The following INIP variants were observed in gnomAD, a reference collection of about 807,000 sequenced individuals.
The protein encoded by INIP is SOSS complex subunit C.
Under a neutral mutation model 14.0 loss-of-function variants are expected in INIP, and 9 were observed. The observed-to-expected ratio is 0.64, with a 90% CI of 0.39 to 1.12. The LOEUF (loss-of-function observed/expected upper bound fraction) is 1.12. Ranked by LOEUF, INIP falls within the 50% of genes most tolerant of loss-of-function variation. The pLI, the probability that INIP is intolerant of heterozygous loss-of-function variation, is 0.01. For synonymous variants in INIP, 37 were observed against 41.5 expected (o/e 0.89, Z 0.41); for missense variants, 78 against 122.7 (o/e 0.64, Z 1.72).
intron 2 of INIP, among the ~76,000 whole-genome samples, chr9:112,711,585 C>T (rs1243659487): frequency 6.6e-6 from 1 of 152,190 alleles, no homozygotes; most frequent in African/African-American, 2.4e-5. Flanking sequence ...AAATAGTCTT[C>T]TCTTAGTTTT....
chr9:112,692,194 C>T (rs1315935786), intron 3 of INIP, among the ~76,000 whole-genome samples: 1 of 152,008 alleles, frequency 6.6e-6, no homozygotes, highest in African/African-American at 2.4e-5. Context: ...GTTGAGGCAT[C>T]AATAAGTGAG....
In INIP at chr9:112,713,946, T is replaced by A. The variant is rs1278899344; in HGVS notation, c.25+2515A>T. ...TTGCAGTGAGCTGAGATCACGCTAT[T>A]GCACTCCAGCTTGGGCAACAAGAGC... On this transcript the variant is annotated intron_variant, in intron 2 of 4. Coordinates refer to ENST00000374242, the MANE Select transcript of INIP (RefSeq NM_021218.3). Among the ~76,000 whole-genome samples the A allele has an allele frequency of 9.3e-5, 14 of 150,326 alleles. No homozygotes were observed. In the Admixed American group the frequency reaches 9.3e-4, roughly 10 times the overall value.
At chr9:112,697,142 G>A (rs371201563) in intron 2 of INIP, among the ~76,000 whole-genome samples, 1 of 152,134 alleles carries the variant, frequency 6.6e-6, no homozygotes, top group African/African-American at 2.4e-5. Flanking sequence ...TCATCACATT[G>A]AACAAAAGAT....
chr9:112,697,569 G>A (rs1003041979), intron 2 of INIP, among the ~76,000 whole-genome samples: 1 of 152,098 alleles, frequency 6.6e-6, no homozygotes, highest in South Asian at 2.1e-4. Flanking sequence ...GGTCAACAGA[G>A]CAAGACCCTG....
At chr9:112,693,100 T>C (rs1837952544) in intron 3 of INIP, among the ~76,000 whole-genome samples, 1 of 152,116 alleles carries the variant, frequency 6.6e-6, no homozygotes, top group Non-Finnish European at 1.5e-5. Context: ...TTAGAATGTT[T>C]ACAATTTAAT....
In INIP at chr9:112,694,178, T is replaced by A. The variant is rs1837998284; in HGVS notation, c.81A>T (p.Arg27Ser). 2 of 1,612,100 alleles carry A rather than the reference T, an allele frequency of 1.2e-6. No homozygotes were observed. Residue 27 changes from arginine (R) to serine (S), a missense_variant, in exon 3 of 5, where the codon AGA (arginine) becomes AGT (serine). Coordinates refer to ENST00000374242, the MANE Select transcript of INIP (RefSeq NM_021218.3). The part of the protein sequence containing the change: ...AILAELDKEK[R>S]KLLMQNQSST... ...AAGACTGGTTCTGCATAAGTAGTTT[T>A]CTTTTCTCTTTGTCCAGTTCTGCCA...
intron 2 of INIP, among the ~76,000 whole-genome samples, chr9:112,701,169 G>A (rs938848686): frequency 2.0e-5 from 3 of 152,092 alleles, no homozygotes; most frequent in African/African-American, 7.2e-5. Context: ...TCAGTCAGGT[G>A]TGGTGGCAGG....
Position 112,694,160 on chromosome 9 carries a change from G to A in INIP, c.99C>T (p.Asn33=), listed in dbSNP as rs1195497024. The part of the protein sequence containing the change: ...DKEKRKLLMQ[N]QSSTNHPGAS... ...CTCCAGGATGATTTGTTGAAGACTGGTTCTGCATAAGTAGTTTTCTTTTCT... is the reference window on the plus strand; with the variant it reads ...CTCCAGGATGATTTGTTGAAGACTGATTCTGCATAAGTAGTTTTCTTTTCT... The change falls in exon 3 of 5, where the codon AAC becomes AAT. Residue 33 remains asparagine (N), a synonymous_variant. Coordinates refer to ENST00000374242, the MANE Select transcript of INIP (RefSeq NM_021218.3). 5 of 1,609,882 alleles carry A rather than the reference G, an allele frequency of 3.1e-6. No homozygotes were observed. The highest frequency in any genetic ancestry group is 4.2e-6 in the Non-Finnish European group (5 of 1,177,874).
chr9:112,694,997 A>G (rs1184324137), intron 2 of INIP, among the ~76,000 whole-genome samples: 2 of 152,216 alleles, frequency 1.3e-5, no homozygotes, highest in Non-Finnish European at 2.9e-5. Flanking sequence ...ACATGTAAAC[A>G]TTGAGAAACT....
intron 2 of INIP, among the ~76,000 whole-genome samples, chr9:112,715,291 G>T (rs903878678): frequency 4.1e-4 from 62 of 152,252 alleles, no homozygotes; most frequent in African/African-American, 1.4e-3. Flanking sequence ...AGTTGTGAGT[G>T]AATGTGAAAG....
intron 2 of INIP, among the ~76,000 whole-genome samples, chr9:112,710,368 G>T (rs2131312559): frequency 6.6e-6 from 1 of 152,262 alleles, no homozygotes; most frequent in East Asian, 1.9e-4. Context: ...TCCTTACTCA[G>T]TATTTCACCA....
intron 2 of INIP, among the ~76,000 whole-genome samples, chr9:112,701,030 A>C (rs988978717): frequency 6.6e-6 from 1 of 152,234 alleles, no homozygotes; most frequent in East Asian, 1.9e-4. Context: ...ATATGGTTAT[A>C]AAAGCAGCCC....
At chr9:112,700,742 A>G (rs1411204088) in intron 2 of INIP, among the ~76,000 whole-genome samples, 1 of 151,956 alleles carries the variant, frequency 6.6e-6, no homozygotes. Context: ...GAAGAGCCTC[A>G]CTTTCAAAAA....
intron 2 of INIP, among the ~76,000 whole-genome samples, chr9:112,709,122 T>C (rs1425999987): frequency 1.3e-5 from 2 of 151,988 alleles, no homozygotes; most frequent in Admixed American, 1.3e-4. Context: ...TTTCTACCCA[T>C]TGAGGTTTGT....
intron 3 of INIP, 165 bp downstream of exon 3, chr9:112,693,966 T>G: frequency 2.4e-6 from 1 of 409,924 alleles, no homozygotes; most frequent in Non-Finnish European, 4.3e-6. Flanking sequence ...TCCCAGCTAC[T>G]CGGGAGGCTG....
At chr9:112,688,051 ACTC>A in intron 4 of INIP, among the ~76,000 whole-genome samples, 1 of 151,984 alleles carries the variant, frequency 6.6e-6, no homozygotes, top group South Asian at 2.1e-4. Flanking sequence ...GCACCACTGC[ACTC>A]CAGCCTGGGC....
At chr9:112,705,841 TAAG>T (rs1338878400) in intron 2 of INIP, among the ~76,000 whole-genome samples, 6 of 152,170 alleles carry the variant, frequency 3.9e-5, no homozygotes, top group Admixed American at 6.5e-5. Context: ...CTGGGAAGGT[TAAG>T]AAGGAGCCAT....
chr9:112,685,908 T>C lies in INIP; in HGVS notation c.*1630A>G, dbSNP rs1837647881. 1 of 152,118 alleles carries C rather than the reference T, an allele frequency of 6.6e-6. No homozygotes were observed. Among genetic ancestry groups the C allele is most frequent in the Admixed American group, 6.5e-5 (1 of 15,272 alleles). 9.4% of individuals were successfully genotyped at this position (152,118 alleles called of 1,614,324 possible). Reference sequence around the variant, plus strand: ...TCAAAATGAAGGAAATCAGTTCAAATTCTAAAAAAAACCTACATGGCACAG... The same window carrying C: ...TCAAAATGAAGGAAATCAGTTCAAACTCTAAAAAAAACCTACATGGCACAG... On this transcript the variant is annotated 3_prime_UTR_variant, in exon 5 of 5. Transcript: ENST00000374242.
At chr9:112,708,946 T>A (rs1838565892) in intron 2 of INIP, among the ~76,000 whole-genome samples, 1 of 152,042 alleles carries the variant, frequency 6.6e-6, no homozygotes, top group South Asian at 2.1e-4. Context: ...GTTTCCTATA[T>A]CTTGCAAGAT....
Sources: allele counts gnomAD v4.1 joint callset (sites outside exome capture counted in the v4.1 genomes callset), GRCh38; gene constraint gnomAD v4.1.1; transcripts MANE v1.5; gene names NCBI Gene and HGNC (gene_info 2026-07-23, HGNC 2026-07-21).